The following NBAS variants were observed in gnomAD, a reference collection of about 807,000 sequenced individuals.
The protein encoded by NBAS is NBAS subunit of NRZ tethering complex.
Under a neutral mutation model 302.5 loss-of-function variants are expected in NBAS, and 219 were observed. The observed-to-expected ratio is 0.72, with a 90% CI of 0.65 to 0.81. The LOEUF is 0.81. NBAS is among the 30% of genes least tolerant of loss of function. NBAS has a pLI of 0.00. For synonymous variants in NBAS, 1,118 were observed against 1,021.6 expected (o/e 1.09, Z -1.80); for missense variants, 2,932 against 2,841.6 (o/e 1.03, Z -0.72).
intron 28 of NBAS, among the ~76,000 whole-genome samples, chr2:15,386,980 T>C (rs1457975912): frequency 6.6e-6 from 1 of 152,106 alleles, no homozygotes; most frequent in Non-Finnish European, 1.5e-5. Flanking sequence ...AAGCCAGACA[T>C]CAAGCATAAT....
chr2:15,279,231 T>C (rs1669722311), intron 42 of NBAS, among the ~76,000 whole-genome samples: 1 of 152,196 alleles, frequency 6.6e-6, no homozygotes, highest in Non-Finnish European at 1.5e-5. Context: ...GATTACTTTC[T>C]TGCTAAGTTA....
the NBAS span, among the ~76,000 whole-genome samples, chr2:15,086,850 G>A: frequency 0.071 from 10,821 of 152,234 alleles, 878 homozygotes; most frequent in African/African-American, 0.19. Flanking sequence ...ATGTTTCTAT[G>A]AGAGTGTTTT....
chr2:14,816,995 A>G, the NBAS span, among the ~76,000 whole-genome samples: 1 of 152,208 alleles, frequency 6.6e-6, no homozygotes, highest in Non-Finnish European at 1.5e-5. Context: ...GATTTCATAA[A>G]GTAGAGGTGA....
At chr2:15,006,671 A>G in the NBAS span, among the ~76,000 whole-genome samples, 1 of 152,338 alleles carries the variant, frequency 6.6e-6, no homozygotes, top group South Asian at 2.1e-4. Flanking sequence ...TATTTAATAC[A>G]TAACTATTCG....
rs534281375 is a variant in NBAS, at chr2:15,509,895, G to A, written c.885+1317C>T. 1.2e-4 allele frequency among the ~76,000 whole-genome samples: 18 copies of A among 152,140 alleles called. No homozygotes were observed. The South Asian group carries it at 3.3e-3, about 28-fold the overall frequency. Reference sequence around the variant, plus strand: ...GACGGAGTCTGGCTCTGTCACCCAGGCTGGAGTGCAGTGGCACAATCTCGG... The same window carrying A: ...GACGGAGTCTGGCTCTGTCACCCAGACTGGAGTGCAGTGGCACAATCTCGG... On this transcript the variant is annotated intron_variant, in intron 10 of 51. Transcript: ENST00000281513.
At chr2:15,490,558 C>T (rs60682793) in intron 11 of NBAS, among the ~76,000 whole-genome samples, 2,292 of 152,266 alleles carry the variant, frequency 0.015, 59 homozygotes, top group African/African-American at 0.053. Context: ...AATTTAAAGT[C>T]AATAAGCTCC....
intron 38 of NBAS, among the ~76,000 whole-genome samples, chr2:15,325,991 G>A (rs1672047066): frequency 6.6e-6 from 1 of 152,150 alleles, no homozygotes; most frequent in Non-Finnish European, 1.5e-5. Context: ...GACCCAAGAA[G>A]AAGGAGAGAG....
rs140190128 is a variant in NBAS at position 15,548,311 on chromosome 2, A to C, written c.379+3182T>G. Among the ~76,000 whole-genome samples the C allele has an allele frequency of 5.1e-3, 780 of 152,330 alleles. 3 individuals are homozygous for C. The highest frequency in any genetic ancestry group is 0.017 in the African/African-American group (693 of 41,588). The stretch of plus-strand genomic sequence containing the variant: ...TGGCCCCTGCCATCAAATAATTTAC[A>C]ATCTAATTGGGAATCCGACAAGCAA... On this transcript the variant is annotated intron_variant, in intron 6 of 51. Transcript: ENST00000281513.
At chr2:15,051,317 G>T in the NBAS span, among the ~76,000 whole-genome samples, 3 of 152,194 alleles carry the variant, frequency 2.0e-5, no homozygotes, top group Non-Finnish European at 4.4e-5. Context: ...AGAATTGTGT[G>T]CAGGGAGCTG....
intron 38 of NBAS, among the ~76,000 whole-genome samples, chr2:15,323,535 T>C (rs1671918446): frequency 6.6e-6 from 1 of 152,132 alleles, no homozygotes; most frequent in South Asian, 2.1e-4. Context: ...GTTTCACAAC[T>C]GAATTCCCTG....
chr2:15,555,771 T>G (rs965612547), intron 3 of NBAS, among the ~76,000 whole-genome samples: 1 of 152,176 alleles, frequency 6.6e-6, no homozygotes. Context: ...CTACTTCTGA[T>G]GCCTGATCAT....
intron 44 of NBAS, among the ~76,000 whole-genome samples, chr2:15,274,445 T>C (rs1285972100): frequency 2.0e-5 from 3 of 152,220 alleles, no homozygotes; most frequent in Middle Eastern, 3.4e-3. Context: ...AGAGAGAAGA[T>C]TAAACAGGAG....
chr2:15,176,543 G>A (rs1175920836), intron 51 of NBAS, among the ~76,000 whole-genome samples: 4 of 152,152 alleles, frequency 2.6e-5, no homozygotes, highest in Admixed American at 2.6e-4. Flanking sequence ...TTGAATCAAT[G>A]TCAGCAACCG....
At position 15,468,536 on chromosome 2, in the gene NBAS, G is replaced by C. The variant is rs1175062370; in HGVS notation, c.1726-3C>G. On this transcript the variant is annotated splice_region_variant and splice_polypyrimidine_tract_variant and intron_variant, in intron 16 of 51. Transcript: ENST00000281513. ...CAGGATCGCTTCTTTATTTTACTCTGCATATAAAGGAAGAAACAGAGGAAT... is the reference window on the plus strand; with the variant it reads ...CAGGATCGCTTCTTTATTTTACTCTCCATATAAAGGAAGAAACAGAGGAAT... The C allele has an allele frequency of 6.2e-7, 1 of 1,613,430 alleles. No individual in the cohort carries two copies. The highest frequency in any genetic ancestry group is 8.5e-7 in the Non-Finnish European group (1 of 1,179,498).
chr2:15,202,250 A>T (rs576151217), intron 48 of NBAS, among the ~76,000 whole-genome samples: 1 of 152,300 alleles, frequency 6.6e-6, no homozygotes, highest in African/African-American at 2.4e-5. Flanking sequence ...GCTTTACAGC[A>T]CCCTACTTAT....
intron 33 of NBAS, 51 bp downstream of exon 33, chr2:15,356,252 C>T (rs921665773): frequency 1.4e-6 from 2 of 1,417,002 alleles, no homozygotes. Context: ...TTTCCATTAT[C>T]CATCACATAA....
chr2:15,130,912 T>C, the NBAS span, among the ~76,000 whole-genome samples: 1 of 152,218 alleles, frequency 6.6e-6, no homozygotes, highest in African/African-American at 2.4e-5. Flanking sequence ...AAGAAGAAAA[T>C]ACTAGAACCT....
chr2:14,916,353 G>T, the NBAS span, among the ~76,000 whole-genome samples: 1 of 152,154 alleles, frequency 6.6e-6, no homozygotes, highest in Non-Finnish European at 1.5e-5. Flanking sequence ...TCCTCAGGAT[G>T]CAATACAATA....
At chr2:15,277,913 C>T (rs1420590958) in intron 42 of NBAS, among the ~76,000 whole-genome samples, 2 of 152,102 alleles carry the variant, frequency 1.3e-5, no homozygotes, top group Non-Finnish European at 2.9e-5. Context: ...CTCAATGCCC[C>T]TTACGTGATG....
Sources: allele counts gnomAD v4.1 joint callset (sites outside exome capture counted in the v4.1 genomes callset), GRCh38; gene constraint gnomAD v4.1.1; transcripts MANE v1.5; gene names NCBI Gene and HGNC (gene_info 2026-07-23, HGNC 2026-07-21).